Variants in IQCJ observed in about 807,000 individuals in gnomAD.
IQCJ encodes the protein IQ domain-containing protein J.
A neutral mutation model predicts 11.0 loss-of-function variants in IQCJ; 9 were observed. That is an observed-to-expected ratio of 0.82 (90% CI 0.49 to 1.43). IQCJ has a LOEUF of 1.43. IQCJ is among the 40% of genes most tolerant of loss of function. IQCJ has a pLI of 0.00. For synonymous variants in IQCJ, 55 were observed against 51.3 expected (o/e 1.07, Z -0.31); for missense variants, 146 against 133.2 (o/e 1.10, Z -0.47).
Position 159,143,561 on chromosome 3 carries a change from G to T in IQCJ, c.9+74120G>T, listed in dbSNP as rs887917806. Among the ~76,000 whole-genome samples the T allele has an allele frequency of 5.9e-5, 9 of 152,296 alleles. No individual in the cohort carries two copies. The South Asian group carries it at 1.0e-3, about 18-fold the overall frequency. ...CCTTAAACCCAGAGCGTGGGTCATT[G>T]TTCTTCTCAGAGAAGCAGACAAGGA... On this transcript the variant is annotated intron_variant, in intron 1 of 3. Transcript: ENST00000397832.
chr3:159,151,804 T>G (rs1721242822), intron 1 of IQCJ, among the ~76,000 whole-genome samples: 1 of 152,094 alleles, frequency 6.6e-6, no homozygotes, highest in Non-Finnish European at 1.5e-5. Context: ...TTTGCCTAAT[T>G]TTTTGTATTT....
intron 1 of IQCJ, among the ~76,000 whole-genome samples, chr3:159,073,244 A>G (rs1184753435): frequency 6.6e-6 from 1 of 152,070 alleles, no homozygotes; most frequent in Non-Finnish European, 1.5e-5. Flanking sequence ...GTTGAGGAAG[A>G]TCCTGAAAGT....
intron 1 of IQCJ, among the ~76,000 whole-genome samples, chr3:159,200,581 C>A (rs1246468198): frequency 6.6e-6 from 1 of 152,158 alleles, no homozygotes; most frequent in African/African-American, 2.4e-5. Context: ...CAACCACCAT[C>A]CTCCAGCAGG....
Position 159,261,185 on chromosome 3 carries a change from G to A in IQCJ, c.156-1363G>A, listed in dbSNP as rs187004902. 4.6e-5 allele frequency among the ~76,000 whole-genome samples: 7 copies of A among 152,314 alleles called. No individual in the cohort carries two copies. The South Asian group carries it at 1.2e-3, about 27-fold the overall frequency. ...ACAACTTTAATGACATAGGTTGTGT[G>A]TGAAAGAATTACAGAGATCAGATGC... On this transcript the variant is annotated intron_variant, in intron 3 of 3. Coordinates refer to ENST00000397832, the MANE Select transcript of IQCJ (RefSeq NM_001042706.3).
Position 159,236,401 on chromosome 3 carries a change from G to T in IQCJ, c.10-9442G>T, listed in dbSNP as rs550127022. 2.0e-4 allele frequency among the ~76,000 whole-genome samples: 30 copies of T among 152,060 alleles called. No individual in the cohort carries two copies. In the South Asian group the frequency reaches 3.5e-3, roughly 18 times the overall value. On this transcript the variant is annotated intron_variant, in intron 1 of 3. Coordinates refer to ENST00000397832, the MANE Select transcript of IQCJ (RefSeq NM_001042706.3). ...ATGACTATTAATGCCCATATTCACAGCAGGGATAGAAGGGAAGTGGCAGTA... is the reference window on the plus strand; with the variant it reads ...ATGACTATTAATGCCCATATTCACATCAGGGATAGAAGGGAAGTGGCAGTA...
chr3:159,105,354 G>A (rs1466913235), intron 1 of IQCJ, among the ~76,000 whole-genome samples: 1 of 152,108 alleles, frequency 6.6e-6, no homozygotes, highest in Non-Finnish European at 1.5e-5. Flanking sequence ...CCATTGCTTT[G>A]TCCACCTCTT....
intron 1 of IQCJ, among the ~76,000 whole-genome samples, chr3:159,242,337 A>T (rs1249298499): frequency 6.6e-6 from 1 of 152,256 alleles, no homozygotes; most frequent in East Asian, 1.9e-4. Context: ...AGAAATTAGT[A>T]GGTTGATCTT....
intron 1 of IQCJ, among the ~76,000 whole-genome samples, chr3:159,105,482 T>C (rs1160153789): frequency 6.6e-6 from 1 of 152,044 alleles, no homozygotes; most frequent in African/African-American, 2.4e-5. Flanking sequence ...ACCAGCAAAA[T>C]CTCTGTCTCA....
At chr3:159,182,844 C>T (rs2108019786) in intron 1 of IQCJ, among the ~76,000 whole-genome samples, 1 of 151,196 alleles carries the variant, frequency 6.6e-6, no homozygotes, top group South Asian at 2.1e-4. Context: ...CCGATTAGGT[C>T]AGGGGTCAAT....
intron 1 of IQCJ, among the ~76,000 whole-genome samples, chr3:159,221,836 A>G (rs1577090993): frequency 1.3e-5 from 2 of 152,248 alleles, no homozygotes; most frequent in East Asian, 3.9e-4. Context: ...AAAAAAAAGA[A>G]AGAAATTGTA....
chr3:159,199,035 T>A lies in IQCJ; in HGVS notation c.10-46808T>A, dbSNP rs147965773. Among the ~76,000 whole-genome samples, 604 of 152,320 alleles carry A rather than the reference T, an allele frequency of 4.0e-3. 4 individuals are homozygous for A. The highest frequency in any genetic ancestry group is 0.013 in the African/African-American group (524 of 41,590). On this transcript the variant is annotated intron_variant, in intron 1 of 3. Coordinates refer to ENST00000397832, the MANE Select transcript of IQCJ (RefSeq NM_001042706.3). The stretch of plus-strand genomic sequence containing the variant: ...ATGTGGAATTCTCCTATTTCTGGAT[T>A]CAGATGTCTAAAACAGGAAACATTG...
At chr3:159,079,689 T>G (rs1163250884) in intron 1 of IQCJ, among the ~76,000 whole-genome samples, 1 of 152,106 alleles carries the variant, frequency 6.6e-6, no homozygotes, top group African/African-American at 2.4e-5. Flanking sequence ...TCTAGGAATA[T>G]ATCATGTACA....
chr3:159,233,866 T>C (rs561991461), intron 1 of IQCJ, among the ~76,000 whole-genome samples: 5 of 152,330 alleles, frequency 3.3e-5, no homozygotes, highest in Admixed American at 2.0e-4. Context: ...ATAGGAGGCA[T>C]TGCCATCATC....
At chr3:159,185,922 C>T in intron 1 of IQCJ, among the ~76,000 whole-genome samples, 1 of 152,132 alleles carries the variant, frequency 6.6e-6, no homozygotes, top group East Asian at 1.9e-4. Context: ...ATTTTATTTG[C>T]TAGAAGGAAG....
chr3:159,091,291 T>C (rs1337653555), intron 1 of IQCJ, among the ~76,000 whole-genome samples: 1 of 151,798 alleles, frequency 6.6e-6, no homozygotes, highest in African/African-American at 2.4e-5. Flanking sequence ...ATTATTTCTC[T>C]TGGTTCTGCA....
intron 1 of IQCJ, among the ~76,000 whole-genome samples, chr3:159,221,226 C>G (rs1387053703): frequency 2.6e-5 from 4 of 152,058 alleles, no homozygotes; most frequent in Admixed American, 1.3e-4. Context: ...AAGTGCTTAA[C>G]CTCTTGGAGT....
chr3:159,198,223 A>C (rs148442139), intron 1 of IQCJ, among the ~76,000 whole-genome samples: 2 of 152,346 alleles, frequency 1.3e-5, no homozygotes, highest in East Asian at 3.9e-4. Flanking sequence ...CAAGTAGAAA[A>C]GCATGTGTAC....
intron 1 of IQCJ, among the ~76,000 whole-genome samples, chr3:159,185,387 T>G (rs542417798): frequency 6.6e-6 from 1 of 152,262 alleles, no homozygotes; most frequent in East Asian, 1.9e-4. Flanking sequence ...CATTCTAGTC[T>G]CTGTGGTATG....
At chr3:159,151,451 C>A (rs1460652636) in intron 1 of IQCJ, among the ~76,000 whole-genome samples, 1 of 152,196 alleles carries the variant, frequency 6.6e-6, no homozygotes, top group Non-Finnish European at 1.5e-5. Flanking sequence ...TGCTGGACAG[C>A]CTGTCTTTCT....
Sources: gnomAD v4.1 joint callset for allele counts (sites outside exome capture counted in the v4.1 genomes callset) on GRCh38, gnomAD v4.1.1 for gene constraint, MANE v1.5 for transcripts, NCBI Gene and HGNC (gene_info 2026-07-23, HGNC 2026-07-21) for gene names.